Variants in EYS observed in about 807,000 individuals in gnomAD.
The protein encoded by EYS is protein eyes shut homolog.
Under a neutral mutation model 282.1 loss-of-function variants are expected in EYS, and 250 were observed. The observed-to-expected ratio is 0.89, with a 90% CI of 0.80 to 0.98. The LOEUF (loss-of-function observed/expected upper bound fraction) is 0.98. Among genes scored for constraint, EYS ranks in the 50% least tolerant of loss-of-function variants. The probability of loss-of-function intolerance (pLI) is 0.00; values close to 1 mark genes in which losing one functional copy is unlikely to be tolerated. For synonymous variants in EYS, 1,355 were observed against 1,282.9 expected (o/e 1.06, Z -1.20); for missense variants, 4,016 against 3,709.0 (o/e 1.08, Z -2.15).
At chr6:64,189,186 A>G (rs1192560889) in intron 31 of EYS, among the ~76,000 whole-genome samples, 1 of 152,214 alleles carries the variant, frequency 6.6e-6, no homozygotes, top group African/African-American at 2.4e-5. Flanking sequence ...GTGTAAAAAA[A>G]TTATATATAA....
chr6:65,357,684 G>A (rs534650619), intron 8 of EYS, among the ~76,000 whole-genome samples: 99 of 151,746 alleles, frequency 6.5e-4, no homozygotes, highest in South Asian at 3.1e-3. Flanking sequence ...ATATAGACCA[G>A]GAGTCTGCAA....
intron 9 of EYS, among the ~76,000 whole-genome samples, chr6:65,346,054 A>G (rs1770380747): frequency 6.6e-6 from 1 of 151,678 alleles, no homozygotes; most frequent in African/African-American, 2.4e-5. Flanking sequence ...CAAACAAACA[A>G]TTTCCGAGGT....
At chr6:64,915,140 A>G (rs1768120158) in intron 15 of EYS, among the ~76,000 whole-genome samples, 1 of 152,046 alleles carries the variant, frequency 6.6e-6, no homozygotes. Flanking sequence ...CCTATATCCC[A>G]TTACTGAAAT....
chr6:64,190,121 G>A (rs1183353793), intron 31 of EYS, among the ~76,000 whole-genome samples: 3 of 152,104 alleles, frequency 2.0e-5, no homozygotes, highest in Non-Finnish European at 2.9e-5. Flanking sequence ...TGAATGTGGC[G>A]ACACTGTGAA....
chr6:63,927,402 G>A (rs898561091), intron 35 of EYS, among the ~76,000 whole-genome samples: 2 of 152,140 alleles, frequency 1.3e-5, no homozygotes, highest in Non-Finnish European at 2.9e-5. Context: ...CCAAACACTT[G>A]ACAGACTTTG....
intron 22 of EYS, among the ~76,000 whole-genome samples, chr6:64,761,601 C>T (rs927833509): frequency 1.8e-4 from 27 of 152,194 alleles, no homozygotes; most frequent in African/African-American, 4.6e-4. Flanking sequence ...GGACTACTGG[C>T]GCATGCCACC....
At chr6:65,505,111 T>A (rs1766605998) in intron 2 of EYS, among the ~76,000 whole-genome samples, 1 of 151,926 alleles carries the variant, frequency 6.6e-6, no homozygotes, top group African/African-American at 2.4e-5. Flanking sequence ...TCAGATGATC[T>A]TTTCTTGCAT....
chr6:64,813,338 A>T, intron 22 of EYS, 40 bp downstream of exon 22: 5 of 1,477,162 alleles, frequency 3.4e-6, no homozygotes, highest in Non-Finnish European at 4.6e-6. Flanking sequence ...AAGCTCTCCT[A>T]AATATATATT....
intron 12 of EYS, among the ~76,000 whole-genome samples, chr6:65,165,597 C>T (rs993036237): frequency 3.5e-4 from 53 of 151,064 alleles, no homozygotes; most frequent in African/African-American, 1.2e-3. Flanking sequence ...CCTTTGGCTT[C>T]TTGTGAGATT....
intron 2 of EYS, among the ~76,000 whole-genome samples, chr6:65,589,540 G>A (rs1335509288): frequency 6.6e-6 from 1 of 151,660 alleles, no homozygotes; most frequent in Non-Finnish European, 1.5e-5. Context: ...CTTGAATTCT[G>A]CTTGTACTCT....
At chr6:63,915,617 C>T (rs116695520) in intron 35 of EYS, among the ~76,000 whole-genome samples, 1 of 152,134 alleles carries the variant, frequency 6.6e-6, no homozygotes, top group Non-Finnish European at 1.5e-5. Context: ...TCAGTTGAAA[C>T]CTTTCTGGAA....
chr6:65,096,390 GA>G (rs1316252367), intron 12 of EYS, among the ~76,000 whole-genome samples: 1 of 150,738 alleles, frequency 6.6e-6, no homozygotes, highest in African/African-American at 2.4e-5. Context: ...TGGTTTAGAA[GA>G]ATTAATATTG....
At chr6:65,013,742 G>C (rs1771954645) in intron 13 of EYS, among the ~76,000 whole-genome samples, 1 of 152,104 alleles carries the variant, frequency 6.6e-6, no homozygotes, top group South Asian at 2.1e-4. Flanking sequence ...CACACCTATA[G>C]TCCCAGCTAC....
chr6:65,066,977 G>T (rs1375579985), intron 12 of EYS, among the ~76,000 whole-genome samples: 1 of 152,080 alleles, frequency 6.6e-6, no homozygotes, highest in African/African-American at 2.4e-5. Context: ...AAAGGTCATG[G>T]TCTTTTACTA....
Position 64,896,538 on chromosome 6 carries a change from AGTT to A in EYS, c.2846+5572_2846+5574del, listed in dbSNP as rs1164502561. 1.0e-4 allele frequency among the ~76,000 whole-genome samples: 9 copies of A among 89,084 alleles called. No individual in the cohort carries two copies. In the East Asian group the frequency reaches 1.8e-3, roughly 18 times the overall value. 58.4% of individuals were successfully genotyped at this position (89,084 alleles called of 152,430 possible). A position where few individuals can be genotyped will look rare whatever the true frequency, so the allele number is the denominator to read the frequency against. On this transcript the variant is annotated intron_variant, in intron 18 of 42. Transcript: ENST00000503581. The stretch of plus-strand genomic sequence containing the variant: ...GGGCAGACATTGAGCTAGCTGCAGG[AGTT>A]GTTGTTTTTTTTTTTTTTTTTTCGT...
At chr6:64,741,740 C>T (rs1489868987) in intron 22 of EYS, among the ~76,000 whole-genome samples, 1 of 152,202 alleles carries the variant, frequency 6.6e-6, no homozygotes, top group Non-Finnish European at 1.5e-5. Context: ...CATTATGAAG[C>T]AACCACTGCT....
chr6:65,584,552 G>A (rs1764977458), intron 2 of EYS, among the ~76,000 whole-genome samples: 1 of 151,984 alleles, frequency 6.6e-6, no homozygotes, highest in Non-Finnish European at 1.5e-5. Context: ...TGAAGAATTA[G>A]TAACTTTTAG....
At chr6:64,326,645 G>GCAGAT (rs2150387762) in intron 29 of EYS, among the ~76,000 whole-genome samples, 1 of 152,176 alleles carries the variant, frequency 6.6e-6, no homozygotes, top group South Asian at 2.1e-4. Context: ...ATTGGAGATG[G>GCAGAT]CAGATTTTCT....
Position 65,001,744 on chromosome 6 carries a change from A to T in EYS, c.2138-4041T>A, listed in dbSNP as rs1416769131. On this transcript the variant is annotated intron_variant, in intron 13 of 42. Transcript: ENST00000503581. ...TTAGCTTCCCAAACCATTTTATTTC[A>T]GAGAAAGTATGAAGAATCTAGTGTC... Among the ~76,000 whole-genome samples the T allele has an allele frequency of 1.4e-5, 2 of 147,820 alleles. 1 individual carries two copies. Among genetic ancestry groups the T allele is most frequent in the African/African-American group, 4.9e-5 (2 of 41,210 alleles).
Sources: gnomAD v4.1 joint callset for allele counts (sites outside exome capture counted in the v4.1 genomes callset) on GRCh38, gnomAD v4.1.1 for gene constraint, MANE v1.5 for transcripts, NCBI Gene and HGNC (gene_info 2026-07-23, HGNC 2026-07-21) for gene names.